The following CDK11A variants were observed in gnomAD, a reference collection of about 807,000 sequenced individuals.
The protein encoded by CDK11A is cyclin-dependent kinase 11A.
Under a neutral mutation model 83.6 loss-of-function variants are expected in CDK11A, and 55 were observed. The observed-to-expected ratio is 0.66, with a 90% CI of 0.53 to 0.82. The LOEUF is 0.82. Among genes scored for constraint, CDK11A ranks in the 40% least tolerant of loss-of-function variants. CDK11A has a pLI of 0.00. For missense variants in CDK11A, 564 were observed against 810.1 expected, an observed-to-expected ratio of 0.70 and a Z score of 3.69; for synonymous variants, 247 against 302.7, an observed-to-expected ratio of 0.82 and a Z score of 1.91.
Position 1,718,647 on chromosome 1 carries a change from T to C in CDK11A, c.355+681A>G, listed in dbSNP as rs528579061. ...TTTCAGCTAGAGTATTCTTTTTTTTTTTTTTGAGACGGAGTCTTGCTCTGT... is the reference window on the plus strand; with the variant it reads ...TTTCAGCTAGAGTATTCTTTTTTTTCTTTTTGAGACGGAGTCTTGCTCTGT... On this transcript the variant is annotated intron_variant, in intron 4 of 19. Transcript: ENST00000404249. 1.1e-4 allele frequency among the ~76,000 whole-genome samples: 16 copies of C among 149,806 alleles called. 1 individual carries two copies. The South Asian group carries it at 3.4e-3, about 32-fold the overall frequency.
chr1:1,719,332 T>C lies in CDK11A; in HGVS notation c.351A>G (p.Glu117=), dbSNP rs768284935. The C allele has an allele frequency of 1.3e-6, 2 of 1,522,700 alleles. No individual in the cohort carries two copies. Among genetic ancestry groups the C allele is most frequent in the African/African-American group, 1.4e-5 (1 of 70,156 alleles). The allele number at this position is 1,522,700 out of a possible 1,614,324, so 94.3% of individuals were successfully genotyped here. A position where few individuals can be genotyped will look rare whatever the true frequency, so the allele number is the denominator to read the frequency against. ...AGAAAGTAAATGCTTCTGTACCCCC[T>C]TCTGCTGAATGGCTATGATGCCTAC... is the stretch of plus-strand genomic sequence containing the variant. ...EKCRHHSHSA[E]GGKHARVKER... Residue 117 remains glutamate, a synonymous_variant, in exon 4 of 20, where the codon GAA becomes GAG. Transcript: ENST00000404249.
chr1:1,704,173 G>A, intron 15 of CDK11A, 27 bp from the exon 16 acceptor site: 1 of 1,607,482 alleles, frequency 6.2e-7, no homozygotes, highest in Non-Finnish European at 8.5e-7. Flanking sequence ...GCGGCTGTGG[G>A]TGGGCCTGGG....
chr1:1,720,453 G>A (rs1281580136), intron 3 of CDK11A, among the ~76,000 whole-genome samples: 5 of 150,622 alleles, frequency 3.3e-5, no homozygotes, highest in Non-Finnish European at 7.4e-5. Context: ...GAGTCCAGCG[G>A]CGCAATCTTG....
intron 4 of CDK11A, among the ~76,000 whole-genome samples, chr1:1,718,253 G>A (rs376841046): frequency 1.0e-5 from 1 of 95,440 alleles, no homozygotes; most frequent in African/African-American, 4.5e-5. Context: ...ATGCTTTCAG[G>A]TGGAGTTTGC....
chr1:1,716,452 CTCTT>C lies in CDK11A; in HGVS notation c.378_381del (p.Arg127SerfsTer42), dbSNP rs776399480. The stretch of plus-strand genomic sequence containing the variant: ...CGATGTCGTTTCCGACGTTCGTGCT[CTCTT>C]TCTTTCACTCTAGCATGCTTCCCTA... On this transcript the variant is annotated frameshift_variant, in exon 5 of 20. Coordinates refer to ENST00000404249, the MANE Select transcript of CDK11A (RefSeq NM_024011.4). LOFTEE classifies it high-confidence loss of function. 1.9e-6 allele frequency: 3 copies of C among 1,608,652 alleles called. No individual in the cohort carries two copies. The highest frequency in any genetic ancestry group is 2.2e-5 in the East Asian group (1 of 44,806).
chr1:1,706,468 G>A (rs1465374433), intron 11 of CDK11A, among the ~76,000 whole-genome samples: 2 of 151,338 alleles, frequency 1.3e-5, no homozygotes, highest in Non-Finnish European at 3.0e-5. Context: ...AGGATTGTTT[G>A]AGCCTGGGAG....
intron 14 of CDK11A, 74 bp from the exon 15 acceptor site, chr1:1,704,418 C>A: frequency 6.3e-7 from 1 of 1,578,514 alleles, no homozygotes; most frequent in African/African-American, 1.4e-5. Flanking sequence ...CCGCTCGCCT[C>A]GGCAGCAACA....
At chr1:1,719,630 T>A (rs1041588325) in intron 3 of CDK11A, among the ~76,000 whole-genome samples, 175 bp from the exon 4 acceptor site, 1 of 13,182 alleles carries the variant, frequency 7.6e-5, no homozygotes, top group Non-Finnish European at 6.0e-4. Flanking sequence ...TTTTTTTTTT[T>A]TTTTAGACGG....
chr1:1,707,954 G>C (rs1333571503), intron 10 of CDK11A, among the ~76,000 whole-genome samples: 1 of 138,254 alleles, frequency 7.2e-6, no homozygotes, highest in Admixed American at 6.9e-5. Flanking sequence ...CTGGTCCTGG[G>C]CTTCCCAGCT....
At chr1:1,715,496 T>G (rs1644602504) in intron 5 of CDK11A, among the ~76,000 whole-genome samples, 1 of 149,014 alleles carries the variant, frequency 6.7e-6, no homozygotes, top group Non-Finnish European at 1.5e-5. Flanking sequence ...ACATGAATGT[T>G]TCACACACTA....
At chr1:1,704,859 G>A in intron 13 of CDK11A, 45 bp downstream of exon 13, 1 of 1,607,650 alleles carries the variant, frequency 6.2e-7, no homozygotes, top group South Asian at 1.1e-5. Flanking sequence ...GGCCCTGTCG[G>A]AAAAGCCTTC....
At chr1:1,722,050 C>T (rs1375580431) in intron 2 of CDK11A, among the ~76,000 whole-genome samples, 1 of 150,786 alleles carries the variant, frequency 6.6e-6, no homozygotes, top group African/African-American at 2.4e-5. Flanking sequence ...ACTCAGGAAG[C>T]TGAGGTAGGA....
rs756826946 is a variant in CDK11A, at chr1:1,704,511, C to T, written c.1564+39G>A. 256 of 1,590,850 alleles carry T rather than the reference C, an allele frequency of 1.6e-4. 12 individuals carry two copies. Among genetic ancestry groups the T allele is most frequent in the Non-Finnish European group, 2.1e-4 (242 of 1,168,564 alleles). ...CGCGGGGGTGACCAGGACACTGCCC[C>T]CACTTGTACGCAGACAGGACCCCGG... On this transcript the variant is annotated intron_variant, in intron 14 of 19. Coordinates refer to ENST00000404249, the MANE Select transcript of CDK11A (RefSeq NM_024011.4).
At position 1,705,558 on chromosome 1, in the gene CDK11A, G is replaced by A. The variant is rs1306443597; in HGVS notation, c.1336+84C>T. ...CCTCCAGTAGCTGCTCAGGTGAAGC[G>A]GGCCCAGGTGCAGTCGCAGCTCTCG... On this transcript the variant is annotated intron_variant, in intron 12 of 19. Coordinates refer to ENST00000404249, the MANE Select transcript of CDK11A (RefSeq NM_024011.4). The A allele has an allele frequency of 8.4e-5, 40 of 478,998 alleles. 8 individuals carry two copies. Among genetic ancestry groups the A allele is most frequent in the African/African-American group, 1.8e-4 (2 of 10,876 alleles). 29.7% of individuals were successfully genotyped at this position (478,998 alleles called of 1,614,324 possible).
At chr1:1,715,244 C>A (rs1557792328) in intron 5 of CDK11A, among the ~76,000 whole-genome samples, 1 of 123,716 alleles carries the variant, frequency 8.1e-6, no homozygotes, top group Non-Finnish European at 1.8e-5. Flanking sequence ...TGGCGTCATG[C>A]GGTCCTCTGG....
At position 1,703,451 on chromosome 1, in the gene CDK11A, C is replaced by T. The variant is rs1208279167; in HGVS notation, c.2060+25G>A. ...GTCACCGCTATGGCTCGGGACCTCCCGCCACCCGGCTGCACTGGGCTCACT... is the reference window on the plus strand; with the variant it reads ...GTCACCGCTATGGCTCGGGACCTCCTGCCACCCGGCTGCACTGGGCTCACT... On this transcript the variant is annotated intron_variant, in intron 18 of 19. Coordinates refer to ENST00000404249, the MANE Select transcript of CDK11A (RefSeq NM_024011.4). 1.8e-5 allele frequency: 27 copies of T among 1,476,068 alleles called. 2 individuals are homozygous for T. Among genetic ancestry groups the T allele is most frequent in the Admixed American group, 6.4e-5 (3 of 47,016 alleles). The allele number at this position is 1,476,068 out of a possible 1,614,324, so 91.4% of individuals were successfully genotyped here.
chr1:1,717,108 T>C (rs1301137973), intron 4 of CDK11A, among the ~76,000 whole-genome samples: 1 of 150,024 alleles, frequency 6.7e-6, no homozygotes, highest in East Asian at 1.9e-4. Context: ...GAAAACTATC[T>C]GCAGTAAGCG....
At position 1,704,410 on chromosome 1, in the gene CDK11A, G is replaced by A. The variant is rs550465982; in HGVS notation, c.1565-66C>T. On this transcript the variant is annotated intron_variant, in intron 14 of 19. Transcript: ENST00000404249. ...AAGCCCAGGGCACTCAGGGTGGCCC[G>A]CTCGCCTCGGCAGCAACAGAGGCTT... is the stretch of plus-strand genomic sequence containing the variant. The A allele has an allele frequency of 9.4e-4, 1,487 of 1,582,390 alleles. 56 individuals carry two copies. The African/African-American group carries it at 0.013, about 14-fold the overall frequency.
intron 4 of CDK11A, among the ~76,000 whole-genome samples, chr1:1,718,144 G>C (rs561606558): frequency 1.4e-5 from 2 of 147,368 alleles, no homozygotes; most frequent in East Asian, 4.1e-4. Flanking sequence ...CATGCTTTCA[G>C]CTAGAGTTTG....
Sources: allele counts gnomAD v4.1 joint callset (sites outside exome capture counted in the v4.1 genomes callset), GRCh38; gene constraint gnomAD v4.1.1; transcripts MANE v1.5; gene names NCBI Gene and HGNC (gene_info 2026-07-23, HGNC 2026-07-21).